LRRC1: variants seen among roughly 807,000 people sequenced by gnomAD.
LRRC1 encodes the protein leucine rich repeat containing 1, also known as leucine-rich repeat-containing protein 1.
A neutral mutation model predicts 69.9 loss-of-function variants in LRRC1; 28 were observed. The observed-to-expected ratio is 0.40, with a 90% confidence interval of 0.30 to 0.55. LRRC1 has a LOEUF of 0.55. Among genes scored for constraint, LRRC1 ranks in the 20% least tolerant of loss-of-function variants. The probability of loss-of-function intolerance (pLI) is 0.47; values close to 1 mark genes in which losing one functional copy is unlikely to be tolerated. For missense variants in LRRC1, 498 were observed against 609.0 expected, an observed-to-expected ratio of 0.82 and a Z score of 1.92; for synonymous variants, 236 against 240.2, an observed-to-expected ratio of 0.98 and a Z score of 0.16.
intron 2 of LRRC1, among the ~76,000 whole-genome samples, chr6:53,852,934 C>G (rs531815600): frequency 6.6e-6 from 1 of 152,288 alleles, no homozygotes; most frequent in East Asian, 1.9e-4. Context: ...ATGTATTGCT[C>G]ACAGTTCTGG....
chr6:53,822,886 G>C lies in LRRC1; in HGVS notation c.160-19224G>C, dbSNP rs117703999. Reference sequence around the variant, plus strand: ...AGGCATATTCCCATGAGTGAGGAAGGCTGAGTCCAGTTAAGGTGTAAGCCC... The same window carrying C: ...AGGCATATTCCCATGAGTGAGGAAGCCTGAGTCCAGTTAAGGTGTAAGCCC... On this transcript the variant is annotated intron_variant, in intron 1 of 13. Coordinates refer to ENST00000370888, the MANE Select transcript of LRRC1 (RefSeq NM_018214.5). 1.3e-4 allele frequency among the ~76,000 whole-genome samples: 20 copies of C among 152,282 alleles called. No individual in the cohort carries two copies. The East Asian group carries it at 3.5e-3, about 26-fold the overall frequency.
In LRRC1 at chr6:53,795,179, C is replaced by T. The variant is rs1211158258; in HGVS notation, c.-78C>T. On this transcript the variant is annotated 5_prime_UTR_variant, in exon 1 of 14. Transcript: ENST00000370888. ...AGCGCGGAGAGGGCAGCGGACTGAG[C>T]GGAGCCGCCGGCCAGAGCGGGCTCG... The T allele has an allele frequency of 9.7e-6, 13 of 1,340,810 alleles. No homozygotes were observed. The highest frequency in any genetic ancestry group is 1.5e-5 in the African/African-American group (1 of 68,182). 83.1% of individuals were successfully genotyped at this position (1,340,810 alleles called of 1,614,324 possible). A position where few individuals can be genotyped will look rare whatever the true frequency, so the allele number is the denominator to read the frequency against.
At chr6:53,874,301 C>T (rs914409484) in intron 2 of LRRC1, among the ~76,000 whole-genome samples, 2 of 151,760 alleles carry the variant, frequency 1.3e-5, no homozygotes, top group East Asian at 1.9e-4. Flanking sequence ...CACAAATGTT[C>T]GTGAGTTTTA....
Position 53,862,567 on chromosome 6 carries a change from A to G in LRRC1, c.278-16426A>G, listed in dbSNP as rs139073165. Among the ~76,000 whole-genome samples, 16 of 152,302 alleles carry G rather than the reference A, an allele frequency of 1.1e-4. No individual in the cohort carries two copies. In the East Asian group the frequency reaches 3.1e-3, roughly 29 times the overall value. ...ATTTTGGTAATTGTGGCTTTAGGTG[A>G]AAACCTTTTTGATTAGGAAAAATTT... is the stretch of plus-strand genomic sequence containing the variant. On this transcript the variant is annotated intron_variant, in intron 2 of 13. Transcript: ENST00000370888.
chr6:53,917,137 T>C (rs1490559495), intron 11 of LRRC1, among the ~76,000 whole-genome samples: 2 of 152,208 alleles, frequency 1.3e-5, no homozygotes, highest in African/African-American at 4.8e-5. Flanking sequence ...TTTTCTGACT[T>C]GTAGCTGGGA....
chr6:53,811,080 AT>A (rs1237809986), intron 1 of LRRC1, among the ~76,000 whole-genome samples: 2 of 152,134 alleles, frequency 1.3e-5, no homozygotes, highest in South Asian at 2.1e-4. Flanking sequence ...CAAAAAGCGT[AT>A]TTTTTTCATT....
intron 2 of LRRC1, among the ~76,000 whole-genome samples, chr6:53,878,167 C>T (rs1767138134): frequency 6.6e-6 from 1 of 152,092 alleles, no homozygotes; most frequent in South Asian, 2.1e-4. Flanking sequence ...CAGGAAAGAC[C>T]TGCCCCCATG....
chr6:53,809,120 C>G (rs1349963002), intron 1 of LRRC1, among the ~76,000 whole-genome samples: 1 of 152,180 alleles, frequency 6.6e-6, no homozygotes, highest in East Asian at 1.9e-4. Flanking sequence ...AGCACTCCAA[C>G]TATAAGTCTG....
Position 53,920,628 on chromosome 6 carries a change from A to G in LRRC1, c.1283A>G (p.Asn428Ser). ...QLPSEPTCQE[N>S]LPRCGALENL... is the part of the protein sequence containing the mutation. ...TATGTGGTCTTTGTCACTGCAGAGA[A>G]TCTGCCTCGCTGTGGTGCACTGGAG... The change falls in exon 13 of 14, where the codon AAT (asparagine) becomes AGT (serine). Residue 428 changes from asparagine (N) to serine (S), a missense_variant. This residue lies in a region of LRRC1 where 162 missense variants were observed against 162.9 expected (regional missense o/e 0.99). Coordinates refer to ENST00000370888, the MANE Select transcript of LRRC1 (RefSeq NM_018214.5). 1 of 1,614,174 alleles carries G rather than the reference A, an allele frequency of 6.2e-7. No homozygotes were observed. The highest frequency in any genetic ancestry group is 8.5e-7 in the Non-Finnish European group (1 of 1,180,010).
At chr6:53,862,906 T>A (rs910979235) in intron 2 of LRRC1, among the ~76,000 whole-genome samples, 6 of 152,238 alleles carry the variant, frequency 3.9e-5, no homozygotes, top group Non-Finnish European at 7.3e-5. Flanking sequence ...TATTTAGTCT[T>A]GTTTGACAAT....
chr6:53,844,096 G>T (rs962968594), intron 2 of LRRC1, among the ~76,000 whole-genome samples: 3 of 152,102 alleles, frequency 2.0e-5, no homozygotes, highest in African/African-American at 7.2e-5. Flanking sequence ...TGGAGTATGG[G>T]GTGGGGTGGG....
chr6:53,905,140 A>G (rs1768189381), intron 10 of LRRC1: 2 of 152,206 alleles, frequency 1.3e-5, no homozygotes, highest in Admixed American at 1.3e-4. Flanking sequence ...ATAGTGGGTC[A>G]AACAAGGAGG....
chr6:53,805,837 C>A (rs562983903), intron 1 of LRRC1, among the ~76,000 whole-genome samples: 1 of 152,282 alleles, frequency 6.6e-6, no homozygotes, highest in African/African-American at 2.4e-5. Context: ...AATGATCTTT[C>A]TAAGACACAG....
At chr6:53,811,744 C>T (rs1764799152) in intron 1 of LRRC1, among the ~76,000 whole-genome samples, 1 of 152,278 alleles carries the variant, frequency 6.6e-6, no homozygotes, top group African/African-American at 2.4e-5. Context: ...GAGCACTTTG[C>T]CTGGGGACAC....
chr6:53,912,193 A>G (rs1768434008), intron 10 of LRRC1, among the ~76,000 whole-genome samples: 1 of 152,214 alleles, frequency 6.6e-6, no homozygotes, highest in South Asian at 2.1e-4. Flanking sequence ...ACATGTGCAA[A>G]TAAGCTGTAA....
chr6:53,873,207 A>G (rs552829374), intron 2 of LRRC1, among the ~76,000 whole-genome samples: 9 of 150,938 alleles, frequency 6.0e-5, no homozygotes, highest in African/African-American at 2.2e-4. Context: ...TATTTTTTGT[A>G]GCTATTATAA....
intron 1 of LRRC1, among the ~76,000 whole-genome samples, chr6:53,800,895 C>T (rs1304459584): frequency 6.6e-6 from 1 of 152,200 alleles, no homozygotes; most frequent in Non-Finnish European, 1.5e-5. Flanking sequence ...CCGCCTCAGC[C>T]TCCCAAAGTG....
chr6:53,892,023 C>T (rs1430057861), intron 4 of LRRC1, among the ~76,000 whole-genome samples: 4 of 150,362 alleles, frequency 2.7e-5, no homozygotes, highest in Non-Finnish European at 4.4e-5. Flanking sequence ...CACACACACA[C>T]ACACACACAC....
At chr6:53,822,989 C>T (rs934367051) in intron 1 of LRRC1, among the ~76,000 whole-genome samples, 3 of 152,168 alleles carry the variant, frequency 2.0e-5, no homozygotes, top group African/African-American at 7.2e-5. Context: ...GCTGAGCCAT[C>T]ACAAATACAC....
Sources: gnomAD v4.1 joint callset for allele counts (sites outside exome capture counted in the v4.1 genomes callset) on GRCh38, gnomAD v4.1.1 for gene constraint, gnomAD v4.1.1 regional missense constraint, MANE v1.5 for transcripts, NCBI Gene and HGNC (gene_info 2026-07-23, HGNC 2026-07-21) for gene names.